Variants in PDE2A observed in about 807,000 individuals in gnomAD.
PDE2A encodes phosphodiesterase 2A.
A neutral mutation model predicts 133.6 loss-of-function variants in PDE2A; 53 were observed. The ratio of observed to expected loss-of-function variants is 0.40; its 90% CI spans 0.32 to 0.50. The LOEUF (loss-of-function observed/expected upper bound fraction) is 0.50, where lower values mean the gene tolerates loss of function less well. PDE2A is among the 20% of genes least tolerant of loss of function. The pLI is 0.73. For missense variants in PDE2A, 796 were observed against 1,232.4 expected (o/e 0.65, Z 5.30); for synonymous variants, 491 against 490.2 (o/e 1.00, Z -0.02).
rs11824084 is a variant in PDE2A at position 72,576,950 on chromosome 11, G to C, written c.*434C>G. ...GACTGTTTCCAAGATGCCACACTCT[G>C]CTCACTCAGATGTCTCACCTTCCCC... is the stretch of plus-strand genomic sequence containing the variant. On this transcript the variant is annotated 3_prime_UTR_variant, in exon 31 of 31. Coordinates refer to ENST00000334456, the MANE Select transcript of PDE2A (RefSeq NM_002599.5). The C allele has an allele frequency of 0.018, 3,404 of 188,942 alleles. 136 individuals carry two copies. Among genetic ancestry groups the C allele is most frequent in the African/African-American group, 0.076 (3,218 of 42,494 alleles). 11.7% of individuals were successfully genotyped at this position (188,942 alleles called of 1,614,324 possible). A position where few individuals can be genotyped will look rare whatever the true frequency, so the allele number is the denominator to read the frequency against.
intron 19 of PDE2A, 144 bp from the exon 20 acceptor site, chr11:72,583,659 C>G: frequency 1.6e-6 from 1 of 638,514 alleles, no homozygotes; most frequent in Non-Finnish European, 2.8e-6. Context: ...CTCCAGTCCA[C>G]AGTAAAGACC....
intron 6 of PDE2A, among the ~76,000 whole-genome samples, chr11:72,593,041 G>T (rs1370839963): frequency 2.0e-5 from 3 of 151,998 alleles, no homozygotes; most frequent in African/African-American, 7.3e-5. Flanking sequence ...ACCCCTCTAA[G>T]GCTGTGGGGG....
In PDE2A at chr11:72,653,204, C is replaced by A. The variant is rs180539; in HGVS notation, c.72-10878G>T. Among the ~76,000 whole-genome samples the A allele has an allele frequency of 8.8e-3, 1,342 of 152,258 alleles. 24 individuals carry two copies. The highest frequency in any genetic ancestry group is 0.031 in the African/African-American group (1,279 of 41,540). On this transcript the variant is annotated intron_variant, in intron 1 of 30. Coordinates refer to ENST00000334456, the MANE Select transcript of PDE2A (RefSeq NM_002599.5). ...TGTTCTCTGGGCTGGAGGGCTGGAC[C>A]TGCTGCCTGGCTGGGCTCTCGAGGG... is the stretch of plus-strand genomic sequence containing the variant.
chr11:72,645,172 A>G (rs1859099597), intron 1 of PDE2A, among the ~76,000 whole-genome samples: 1 of 152,196 alleles, frequency 6.6e-6, no homozygotes, highest in African/African-American at 2.4e-5. Flanking sequence ...TCAACCTTTC[A>G]GATCCAAGCA....
Position 72,581,865 on chromosome 11 carries a change from G to A in PDE2A, c.1922+12C>T, listed in dbSNP as rs748519274. The A allele has an allele frequency of 6.2e-7, 1 of 1,612,708 alleles. No individual in the cohort carries two copies. ...GGAGGCGAAGACTGGGGCTGTCTGT[G>A]GGCGCACGAACCGGGCCAGGGTCGG... is the stretch of plus-strand genomic sequence containing the variant. On this transcript the variant is annotated intron_variant, in intron 22 of 30. Transcript: ENST00000334456.
At chr11:72,632,314 CG>C (rs1295884029) in intron 2 of PDE2A, among the ~76,000 whole-genome samples, 2 of 152,160 alleles carry the variant, frequency 1.3e-5, no homozygotes, top group Non-Finnish European at 2.9e-5. Flanking sequence ...GGTTGTCCCA[CG>C]TGTCCCTGTG....
chr11:72,642,212 G>A (rs1345098709), intron 2 of PDE2A, 42 bp downstream of exon 2: 10 of 1,414,286 alleles, frequency 7.1e-6, no homozygotes, highest in Middle Eastern at 3.8e-4. Context: ...GCGCTCGCCG[G>A]ACACCCCGTT....
chr11:72,595,526 C>A (rs1029343417), intron 6 of PDE2A, among the ~76,000 whole-genome samples: 8 of 152,050 alleles, frequency 5.3e-5, no homozygotes, highest in Admixed American at 5.2e-4. Context: ...CCCCTCCCCC[C>A]TCTCCTCCCC....
rs891775905 is a variant in PDE2A, at chr11:72,597,544, G to A, written c.399C>T (p.Ala133=). The A allele has an allele frequency of 5.0e-6, 8 of 1,610,436 alleles. No homozygotes were observed. The Middle Eastern group carries it at 6.6e-4, about 133-fold the overall frequency. The change falls in exon 5 of 31, where the codon GCC becomes GCT. Residue 133 remains alanine (A), a synonymous_variant. Coordinates refer to ENST00000334456, the MANE Select transcript of PDE2A (RefSeq NM_002599.5). This position sits in a 1 kb window ranked among gnomAD's most constrained non-coding sequence, Gnocchi z 4.6. ...CAGGAGCCAGTGGAGCCACCAGCCTGGCCAAGGGCTTCCCTGGCAGGTCTG... is the reference window on the plus strand; with the variant it reads ...CAGGAGCCAGTGGAGCCACCAGCCTAGCCAAGGGCTTCCCTGGCAGGTCTG... ...GFSDLPGKPL[A]RLVAPLAPDT...
chr11:72,653,036 G>A (rs1037819180), intron 1 of PDE2A, among the ~76,000 whole-genome samples: 1 of 152,238 alleles, frequency 6.6e-6, no homozygotes, highest in South Asian at 2.1e-4. Context: ...TGGGAGATGT[G>A]GCATTCTGTT....
chr11:72,612,920 C>G (rs1857283569), intron 2 of PDE2A, among the ~76,000 whole-genome samples: 1 of 152,200 alleles, frequency 6.6e-6, no homozygotes, highest in Non-Finnish European at 1.5e-5. Context: ...GGTTGGGGCT[C>G]AGCCGTGGGC....
At chr11:72,666,707 C>A (rs1378767975) in intron 1 of PDE2A, among the ~76,000 whole-genome samples, 1 of 152,216 alleles carries the variant, frequency 6.6e-6, no homozygotes. Context: ...AGGGAACACA[C>A]ATACGGTTTC....
intron 2 of PDE2A, among the ~76,000 whole-genome samples, chr11:72,631,774 C>T: frequency 6.6e-6 from 1 of 152,198 alleles, no homozygotes; most frequent in East Asian, 1.9e-4. Context: ...ACAACAGAGA[C>T]CTGCTCACTC....
chr11:72,612,465 C>G (rs1349498822), intron 2 of PDE2A, among the ~76,000 whole-genome samples: 3 of 152,058 alleles, frequency 2.0e-5, no homozygotes, highest in Non-Finnish European at 4.4e-5. Context: ...AGAAAAGAGC[C>G]GCAATTTCCA....
chr11:72,623,875 G>A (rs1196073771), intron 2 of PDE2A, among the ~76,000 whole-genome samples: 2 of 152,050 alleles, frequency 1.3e-5, no homozygotes, highest in Non-Finnish European at 2.9e-5. Flanking sequence ...CTGGGCAGCT[G>A]CAGGAGCCTC....
chr11:72,602,506 G>A (rs1856800692), intron 4 of PDE2A, among the ~76,000 whole-genome samples: 1 of 152,144 alleles, frequency 6.6e-6, no homozygotes, highest in Admixed American at 6.5e-5. Context: ...CAGGCTCCAC[G>A]GCAGCCTGTA....
At position 72,581,389 on chromosome 11, in the gene PDE2A, G is replaced by C. The variant is rs1855720825; in HGVS notation, c.2013C>G (p.Leu671=). The C allele has an allele frequency of 6.2e-7, 1 of 1,613,150 alleles. No individual in the cohort carries two copies. The highest frequency in any genetic ancestry group is 8.5e-7 in the Non-Finnish European group (1 of 1,179,830). The part of the protein sequence containing the change: ...AFSVSHFCYL[L]YKNLELTNYL... ...AGTTGGTGAGCTCCAGGTTCTTGTA[G>C]AGCAGGTAGCAGAAGTGGGAGACAG... The change falls in exon 23 of 31, where the codon CTC becomes CTG. Residue 671 remains leucine (L), a synonymous_variant. Transcript: ENST00000334456.
At chr11:72,636,105 T>A (rs1222617891) in intron 2 of PDE2A, 2 of 1,236,012 alleles carry the variant, frequency 1.6e-6, no homozygotes, top group Admixed American at 4.6e-5. Context: ...GCAGAATGCC[T>A]GCCCCCTGAA....
At chr11:72,661,164 G>T (rs527912960) in intron 1 of PDE2A, among the ~76,000 whole-genome samples, 1 of 152,192 alleles carries the variant, frequency 6.6e-6, no homozygotes, top group East Asian at 1.9e-4. Flanking sequence ...AATTAGCCAG[G>T]CATGGTGGTG....
Sources: gnomAD v4.1 joint callset for allele counts (sites outside exome capture counted in the v4.1 genomes callset) on GRCh38, gnomAD v4.1.1 for gene constraint, Gnocchi (gnomAD v3.1) non-coding constraint, MANE v1.5 for transcripts, NCBI Gene and HGNC (gene_info 2026-07-23, HGNC 2026-07-21) for gene names.